The following CAST variants were observed in gnomAD, a reference collection of about 807,000 sequenced individuals.
CAST encodes calpastatin, also known as MIR583 host.
CAST carries 76 observed loss-of-function variants against 119.6 expected under a neutral mutation model. The ratio of observed to expected loss-of-function variants is 0.64; its 90% CI spans 0.53 to 0.77. The LOEUF (loss-of-function observed/expected upper bound fraction) is 0.77, where lower values mean the gene tolerates loss of function less well. Ranked by LOEUF, CAST falls within the 30% of genes least tolerant of loss-of-function variation. The probability of loss-of-function intolerance (pLI) is 0.00; values close to 1 mark genes in which losing one functional copy is unlikely to be tolerated. For synonymous variants in CAST, 319 were observed against 331.6 expected (o/e 0.96, Z 0.41); for missense variants, 953 against 946.5 (o/e 1.01, Z -0.09).
chr5:96,267,843 TAAAC>T, the CAST span, among the ~76,000 whole-genome samples: 1 of 152,158 alleles, frequency 6.6e-6, no homozygotes, highest in Non-Finnish European at 1.5e-5. Context: ...GCATAAAAGA[TAAAC>T]AATAATGGCT....
the CAST span, among the ~76,000 whole-genome samples, chr5:95,981,526 C>T: frequency 6.6e-6 from 1 of 152,298 alleles, no homozygotes; most frequent in Admixed American, 6.5e-5. Flanking sequence ...TGAGGTTTTG[C>T]ATTTCCAAGT....
At chr5:96,175,384 C>T in the CAST span, among the ~76,000 whole-genome samples, 5 of 152,024 alleles carry the variant, frequency 3.3e-5, no homozygotes, top group African/African-American at 1.2e-4. Context: ...AAAAAATTAT[C>T]GAGTATCTAC....
chr5:96,672,364 C>A (rs1241090612), intron 1 of CAST, among the ~76,000 whole-genome samples: 2 of 152,024 alleles, frequency 1.3e-5, no homozygotes, highest in Admixed American at 6.6e-5. Flanking sequence ...TTGTATTATT[C>A]TTTCAACTTT....
the CAST span, among the ~76,000 whole-genome samples, chr5:96,389,111 A>C: frequency 6.1e-4 from 93 of 152,236 alleles, no homozygotes; most frequent in African/African-American, 2.2e-3. Flanking sequence ...GTGGGGGGAA[A>C]TGGGGAGATA....
At chr5:96,483,043 T>G in the CAST span, among the ~76,000 whole-genome samples, 1 of 152,172 alleles carries the variant, frequency 6.6e-6, no homozygotes, top group Non-Finnish European at 1.5e-5. Flanking sequence ...ATAAGTTTTC[T>G]ATATTATACA....
chr5:96,009,280 T>A, the CAST span, among the ~76,000 whole-genome samples: 4,031 of 152,234 alleles, frequency 0.026, 170 homozygotes, highest in African/African-American at 0.091. Context: ...ATAAGAGTGA[T>A]TGTATCTTTT....
At chr5:96,372,082 G>T in the CAST span, among the ~76,000 whole-genome samples, 385 of 152,180 alleles carry the variant, frequency 2.5e-3, no homozygotes, top group Non-Finnish European at 4.9e-3. Flanking sequence ...ATGAAGCAAC[G>T]TTCACCCCAA....
chr5:96,124,515 A>G, the CAST span, among the ~76,000 whole-genome samples: 1 of 152,072 alleles, frequency 6.6e-6, no homozygotes, highest in Non-Finnish European at 1.5e-5. Context: ...ACATCCAACT[A>G]TATGGTTGAC....
At chr5:96,513,318 A>G in the CAST span, among the ~76,000 whole-genome samples, 4 of 152,234 alleles carry the variant, frequency 2.6e-5, no homozygotes, top group Non-Finnish European at 5.9e-5. Context: ...TGGAGAGTTT[A>G]TATTCTAGCA....
intron 1 of CAST, among the ~76,000 whole-genome samples, chr5:96,671,165 G>T (rs1490049839): frequency 6.6e-6 from 1 of 152,054 alleles, no homozygotes; most frequent in African/African-American, 2.4e-5. Flanking sequence ...CTCTGGCTCT[G>T]AGCTTCTGGA....
At chr5:96,541,051 T>TC (rs140770968) in intron 1 of CAST, among the ~76,000 whole-genome samples, 5,119 of 152,218 alleles carry the variant, frequency 0.034, 304 homozygotes, top group African/African-American at 0.12. Flanking sequence ...GCACAGAACA[T>TC]CCTAAGGAGT....
intron 1 of CAST, among the ~76,000 whole-genome samples, chr5:96,561,796 G>GTTGTTTTTTT (rs1746370505): frequency 3.1e-5 from 3 of 97,422 alleles, no homozygotes; most frequent in Non-Finnish European, 5.7e-5. Context: ...GTTTTTTTTT[G>GTTGTTTTTTT]TTTTTTTTTT....
rs768408557 is a variant in CAST, at chr5:96,774,376, C to T, written c.*1760C>T. ...CTTCTTTTTTAATTAGAAATATCTT[C>T]GAGACTTGGGTGTTTGTTAATAACT... On this transcript the variant is annotated 3_prime_UTR_variant, in exon 32 of 32. Coordinates refer to ENST00000675179, the MANE Select transcript of CAST (RefSeq NM_001750.7). The T allele has an allele frequency of 1.5e-5, 5 of 335,266 alleles. No individual in the cohort carries two copies. The highest frequency in any genetic ancestry group is 2.2e-5 in the African/African-American group (1 of 44,798). 20.8% of individuals were successfully genotyped at this position (335,266 alleles called of 1,614,324 possible).
chr5:96,103,011 T>A, the CAST span, among the ~76,000 whole-genome samples: 1 of 152,232 alleles, frequency 6.6e-6, no homozygotes, highest in South Asian at 2.1e-4. Context: ...CATGCACTGA[T>A]CTAAGGGTTT....
In CAST at chr5:96,774,192, A is replaced by C. The variant is rs1029346890; in HGVS notation, c.*1576A>C. The C allele has an allele frequency of 3.2e-5, 5 of 153,894 alleles. No individual in the cohort carries two copies. The highest frequency in any genetic ancestry group is 1.2e-4 in the African/African-American group (5 of 41,422). 9.5% of individuals were successfully genotyped at this position (153,894 alleles called of 1,614,324 possible). On this transcript the variant is annotated 3_prime_UTR_variant, in exon 32 of 32. Coordinates refer to ENST00000675179, the MANE Select transcript of CAST (RefSeq NM_001750.7). ...TTCTTTTTTTAAGAAAAACCTTGAAACCTTTGACACTGACAGATGTGTTTG... is the reference window on the plus strand; with the variant it reads ...TTCTTTTTTTAAGAAAAACCTTGAACCCTTTGACACTGACAGATGTGTTTG...
chr5:96,351,752 A>C, the CAST span, among the ~76,000 whole-genome samples: 5 of 152,090 alleles, frequency 3.3e-5, no homozygotes, highest in Non-Finnish European at 7.4e-5. Flanking sequence ...GGTGAAAAAA[A>C]CTCACTGTTC....
At chr5:96,298,879 A>AGTGTGTGTGT in the CAST span, among the ~76,000 whole-genome samples, 78,948 of 149,498 alleles carry the variant, frequency 0.53, 21,393 homozygotes, top group Non-Finnish European at 0.6. Context: ...AAATTAGGAG[A>AGTGTGTGTGT]GTGTGTGTGT....
the CAST span, among the ~76,000 whole-genome samples, chr5:96,149,484 G>A: frequency 6.6e-6 from 1 of 152,312 alleles, no homozygotes; most frequent in East Asian, 1.9e-4. Context: ...TGCCAAGTGA[G>A]AAGAACATGG....
the CAST span, among the ~76,000 whole-genome samples, chr5:96,483,812 T>C: frequency 2.6e-4 from 39 of 152,310 alleles, 1 homozygote; most frequent in South Asian, 7.9e-3. Flanking sequence ...GTGACAACCC[T>C]TCAAAAATAA....
Sources: allele counts gnomAD v4.1 joint callset (sites outside exome capture counted in the v4.1 genomes callset), GRCh38; gene constraint gnomAD v4.1.1; transcripts MANE v1.5; gene names NCBI Gene and HGNC (gene_info 2026-07-23, HGNC 2026-07-21).